The following SLC39A14 variants were observed in gnomAD, a reference collection of about 807,000 sequenced individuals.
SLC39A14 encodes the protein metal cation symporter ZIP14.
A neutral mutation model predicts 45.5 loss-of-function variants in SLC39A14; 19 were observed. That is an observed-to-expected ratio of 0.42 (90% confidence interval 0.29 to 0.61). SLC39A14 has a LOEUF of 0.61. Among genes scored for constraint, SLC39A14 ranks in the 20% least tolerant of loss-of-function variants. The pLI, the probability that SLC39A14 is intolerant of heterozygous loss-of-function variation, is 0.22. For synonymous variants in SLC39A14, 264 were observed against 251.3 expected, an observed-to-expected ratio of 1.05 and a Z score of -0.48; for missense variants, 447 against 616.5, an observed-to-expected ratio of 0.73 and a Z score of 2.91.
downstream of SLC39A14, among the ~76,000 whole-genome samples, chr8:22,426,313 A>G (rs552576153): frequency 1.4e-4 from 22 of 151,986 alleles, no homozygotes; most frequent in South Asian, 4.6e-3. Flanking sequence ...CTCCCACCTC[A>G]GCTCCCAATT....
chr8:22,398,708 T>A, intron 1 of SLC39A14: 3 of 985,356 alleles, frequency 3.0e-6, no homozygotes, highest in Non-Finnish European at 3.6e-6. Flanking sequence ...TAGAAAAAAG[T>A]GCAGCATGCT....
At chr8:22,423,134 C>T (rs567790832), downstream of SLC39A14, among the ~76,000 whole-genome samples, 27 of 151,520 alleles carry the variant, frequency 1.8e-4, no homozygotes, top group African/African-American at 6.5e-4. Context: ...AAGAAGGAAA[C>T]TTTTGTACTC....
At chr8:22,415,336 A>G (rs1188747088) in intron 5 of SLC39A14, 2 of 213,450 alleles carry the variant, frequency 9.4e-6, no homozygotes, top group Admixed American at 1.1e-4. Context: ...ATTGAGTGAG[A>G]TTAGCCATTG....
At chr8:22,406,569 G>A (rs1835226980) in intron 2 of SLC39A14, among the ~76,000 whole-genome samples, 1 of 152,174 alleles carries the variant, frequency 6.6e-6, no homozygotes, top group African/African-American at 2.4e-5. Flanking sequence ...GGAGATACCT[G>A]TAGTCCCAGC....
At chr8:22,403,211 C>T (rs1311522729) in intron 1 of SLC39A14, among the ~76,000 whole-genome samples, 3 of 152,056 alleles carry the variant, frequency 2.0e-5, no homozygotes, top group Non-Finnish European at 2.9e-5. Context: ...CTCCTGACCT[C>T]GTGACCTGCC....
At position 22,420,491 on chromosome 8, in the gene SLC39A14, T is replaced by C. The variant is rs1836164867; in HGVS notation, c.*793T>C. ...GCTCAGGCTGTCTGCAAGAAAACAG[T>C]TGGTTTGGCTGTGATTTTGACCTCC... On this transcript the variant is annotated 3_prime_UTR_variant, in exon 9 of 9. Coordinates refer to ENST00000381237, the MANE Select transcript of SLC39A14 (RefSeq NM_001128431.4). 7.1e-6 allele frequency: 7 copies of C among 985,224 alleles called. No homozygotes were observed. In the South Asian group the frequency reaches 2.8e-4, roughly 40 times the overall value. The allele number at this position is 985,224 out of a possible 1,614,324, so 61.0% of individuals were successfully genotyped here.
At chr8:22,371,551 G>A (rs1322354454) in intron 1 of SLC39A14, among the ~76,000 whole-genome samples, 2 of 145,298 alleles carry the variant, frequency 1.4e-5, no homozygotes, top group Non-Finnish European at 3.0e-5. Flanking sequence ...CTCTGCCCCA[G>A]CCTCCCAAGT....
chr8:22,383,617 G>T (rs1833631319), intron 1 of SLC39A14, among the ~76,000 whole-genome samples: 1 of 152,112 alleles, frequency 6.6e-6, no homozygotes, highest in African/African-American at 2.4e-5. Context: ...GAGGCTTGGG[G>T]CCAGGTGGAG....
rs148725826 is a variant in SLC39A14, at chr8:22,415,014, C to A, written c.750+112C>A. On this transcript the variant is annotated intron_variant, in intron 5 of 8. Coordinates refer to ENST00000381237, the MANE Select transcript of SLC39A14 (RefSeq NM_001128431.4). ...TGGTCTTAGCCCAATATCACAATTTCCGTGAAACTCTAATTTCTTGAGGAG... is the reference window on the plus strand; with the variant it reads ...TGGTCTTAGCCCAATATCACAATTTACGTGAAACTCTAATTTCTTGAGGAG... 1.4e-4 allele frequency: 177 copies of A among 1,266,810 alleles called. 1 individual carries two copies. Among genetic ancestry groups the A allele is most frequent in the Admixed American group, 1.2e-3 (45 of 37,308 alleles). 78.5% of individuals were successfully genotyped at this position (1,266,810 alleles called of 1,614,324 possible). A position where few individuals can be genotyped will look rare whatever the true frequency, so the allele number is the denominator to read the frequency against.
intron 1 of SLC39A14, among the ~76,000 whole-genome samples, chr8:22,404,317 T>G (rs960323018): frequency 1.3e-5 from 2 of 151,364 alleles, no homozygotes; most frequent in Non-Finnish European, 2.9e-5. Context: ...TACCAGCTAC[T>G]TGGGAGGCCT....
chr8:22,388,864 T>C (rs552353236), intron 1 of SLC39A14, among the ~76,000 whole-genome samples: 27 of 112,026 alleles, frequency 2.4e-4, no homozygotes, highest in African/African-American at 1.2e-3. Flanking sequence ...TTTGGAAATA[T>C]GGGCTTTTCC....
rs1227541804 is a variant in SLC39A14, at chr8:22,415,759, AC to A, written c.751-7del. On this transcript the variant is annotated splice_polypyrimidine_tract_variant and intron_variant, in intron 5 of 8. Coordinates refer to ENST00000381237, the MANE Select transcript of SLC39A14 (RefSeq NM_001128431.4). ...AATGTCATGCTGATCCCTCCCTGTCACCCTTCCAGCATCATCATGGACACAG... is the reference window on the plus strand; with the variant it reads ...AATGTCATGCTGATCCCTCCCTGTCACCTTCCAGCATCATCATGGACACAG... 1 of 1,605,432 alleles carries A rather than the reference AC, an allele frequency of 6.2e-7. No individual in the cohort carries two copies. Among genetic ancestry groups the A allele is most frequent in the South Asian group, 1.1e-5 (1 of 89,570 alleles).
In SLC39A14 at chr8:22,392,466, C is replaced by T. The variant is rs577574869; in HGVS notation, c.-15-12230C>T. Among the ~76,000 whole-genome samples the T allele has an allele frequency of 1.1e-4, 17 of 152,208 alleles. No individual in the cohort carries two copies. The South Asian group carries it at 3.5e-3, about 32-fold the overall frequency. On this transcript the variant is annotated intron_variant, in intron 1 of 8. Transcript: ENST00000381237. ...ATTTATCTGATCCCGAATAACAAGC[C>T]GGGAAGTTCTGCTTCATGGGGGTGA...
At chr8:22,419,459 A>G in intron 8 of SLC39A14, 93 bp from the exon 9 acceptor site, 16 of 1,323,414 alleles carry the variant, frequency 1.2e-5, no homozygotes, top group Non-Finnish European at 1.7e-5. Context: ...TTCTTTGTCA[A>G]CCAACCTGAT....
At position 22,381,310 on chromosome 8, in the gene SLC39A14, C is replaced by T. The variant is rs180763173; in HGVS notation, c.-16+13902C>T. On this transcript the variant is annotated intron_variant, in intron 1 of 8. Coordinates refer to ENST00000381237, the MANE Select transcript of SLC39A14 (RefSeq NM_001128431.4). ...TTCTCCCCGAGACAGAGTCTCGCTC[C>T]GTCACCCAGACTGGAGTGCGGTGGG... is the stretch of plus-strand genomic sequence containing the variant. Among the ~76,000 whole-genome samples the T allele has an allele frequency of 9.9e-3, 1,459 of 148,050 alleles. 26 individuals carry two copies. Among genetic ancestry groups the T allele is most frequent in the African/African-American group, 0.034 (1,360 of 39,650 alleles).
At chr8:22,377,011 T>C (rs1833254596) in intron 1 of SLC39A14, among the ~76,000 whole-genome samples, 1 of 152,236 alleles carries the variant, frequency 6.6e-6, no homozygotes, top group Non-Finnish European at 1.5e-5. Flanking sequence ...AGCACCCATC[T>C]GTAGACCCTG....
Position 22,367,862 on chromosome 8 carries a change from T to G in SLC39A14, c.-16+454T>G, listed in dbSNP as rs1023757347. 6.5e-6 allele frequency: 1 copy of G among 152,784 alleles called. No individual in the cohort carries two copies. Among genetic ancestry groups the G allele is most frequent in the African/African-American group, 2.4e-5 (1 of 41,462 alleles). The allele number at this position is 152,784 out of a possible 1,614,324, so 9.5% of individuals were successfully genotyped here. ...TCCATCTCCCCTCTGAAGGTACATG[T>G]ACCCAATCTTCCGGCTGAGCGAATC... On this transcript the variant is annotated intron_variant, in intron 1 of 8. Transcript: ENST00000381237. The surrounding 1 kb of genome is among the most constrained non-coding windows in gnomAD (Gnocchi z 4.2).
chr8:22,369,308 G>T (rs1183084430), intron 1 of SLC39A14, among the ~76,000 whole-genome samples: 2 of 152,230 alleles, frequency 1.3e-5, no homozygotes, highest in East Asian at 3.8e-4. Flanking sequence ...TTCGATCCAG[G>T]TGTTGACTGA....
At chr8:22,419,006 G>A (rs1836057596) in intron 8 of SLC39A14, among the ~76,000 whole-genome samples, 1 of 149,372 alleles carries the variant, frequency 6.7e-6, no homozygotes, top group African/African-American at 2.4e-5. Context: ...TCGAGCCTGG[G>A]CAAGAGCGAG....
Sources: gnomAD v4.1 joint callset for allele counts (sites outside exome capture counted in the v4.1 genomes callset) on GRCh38, gnomAD v4.1.1 for gene constraint, Gnocchi (gnomAD v3.1) non-coding constraint, MANE v1.5 for transcripts, NCBI Gene and HGNC (gene_info 2026-07-23, HGNC 2026-07-21) for gene names.